Variants in FNBP1 observed in about 807,000 individuals in gnomAD.
The protein encoded by FNBP1 is formin binding protein 1, also known as formin-binding protein 1.
FNBP1 carries 26 observed loss-of-function variants against 90.6 expected under a neutral mutation model. The ratio of observed to expected loss-of-function variants is 0.29; its 90% CI spans 0.21 to 0.40. The LOEUF (loss-of-function observed/expected upper bound fraction) is 0.40. FNBP1 is among the 10% of genes least tolerant of loss of function. The pLI, the probability that FNBP1 is intolerant of heterozygous loss-of-function variation, is 1.00. For missense variants in FNBP1, 635 were observed against 768.0 expected (o/e 0.83, Z 2.05); for synonymous variants, 260 against 265.2 (o/e 0.98, Z 0.19).
intron 2 of FNBP1, among the ~76,000 whole-genome samples, chr9:129,993,419 A>G (rs2053515805): frequency 6.6e-6 from 1 of 151,458 alleles, no homozygotes; most frequent in African/African-American, 2.4e-5. Context: ...TATATTCTAT[A>G]AAAACACAAA....
intron 1 of FNBP1, among the ~76,000 whole-genome samples, chr9:130,036,260 A>G (rs892652342): frequency 6.6e-6 from 1 of 152,228 alleles, no homozygotes; most frequent in Non-Finnish European, 1.5e-5. Flanking sequence ...TGAAACAAGT[A>G]TGAGTAATAC....
At chr9:130,036,937 C>G (rs1002733582) in intron 1 of FNBP1, among the ~76,000 whole-genome samples, 2 of 151,052 alleles carry the variant, frequency 1.3e-5, no homozygotes, top group African/African-American at 4.9e-5. Flanking sequence ...CCCAGCTACT[C>G]GGGAGGCTGA....
intron 1 of FNBP1, among the ~76,000 whole-genome samples, chr9:130,028,770 T>G (rs112343055): frequency 5.8e-4 from 89 of 152,230 alleles, no homozygotes; most frequent in Non-Finnish European, 1.1e-3. Flanking sequence ...AATAAAGTGC[T>G]TGGAGGAATG....
intron 1 of FNBP1, among the ~76,000 whole-genome samples, chr9:130,022,130 A>G (rs1053829998): frequency 2.2e-4 from 33 of 152,018 alleles, no homozygotes; most frequent in African/African-American, 6.8e-4. Context: ...AAGTGCTAGG[A>G]TTACAGGCGT....
chr9:130,027,067 A>C (rs2058414056), intron 1 of FNBP1, among the ~76,000 whole-genome samples: 1 of 152,130 alleles, frequency 6.6e-6, no homozygotes, highest in Admixed American at 6.5e-5. Context: ...GAGGAAATGA[A>C]ATTTGGGGGG....
At chr9:130,018,146 C>T (rs756749584) in intron 1 of FNBP1, among the ~76,000 whole-genome samples, 40 of 151,382 alleles carry the variant, frequency 2.6e-4, no homozygotes, top group Non-Finnish European at 4.6e-4. Flanking sequence ...GATCTCCTGA[C>T]CTTGTGATCC....
At chr9:129,982,368 G>A (rs1250006164) in intron 2 of FNBP1, among the ~76,000 whole-genome samples, 15 of 152,168 alleles carry the variant, frequency 9.9e-5, no homozygotes, top group Non-Finnish European at 1.5e-5. Flanking sequence ...CTACTTGGGA[G>A]GCTGGGGCAG....
chr9:129,920,504 G>C (rs1371746262), intron 10 of FNBP1, among the ~76,000 whole-genome samples: 2 of 152,104 alleles, frequency 1.3e-5, no homozygotes, highest in African/African-American at 4.8e-5. Flanking sequence ...GTTTCACCAT[G>C]TTGGTCAGGC....
At chr9:129,931,752 T>C (rs2042779155) in intron 6 of FNBP1, among the ~76,000 whole-genome samples, 1 of 151,102 alleles carries the variant, frequency 6.6e-6, no homozygotes, top group Non-Finnish European at 1.5e-5. Flanking sequence ...AAGCTGTGAC[T>C]GCGCCACTGC....
intron 16 of FNBP1, among the ~76,000 whole-genome samples, chr9:129,894,820 G>A (rs1473225275): frequency 6.6e-6 from 1 of 152,230 alleles, no homozygotes; most frequent in Non-Finnish European, 1.5e-5. Flanking sequence ...AGCACTTTGG[G>A]AGGCAGAAGC....
At chr9:130,043,960 G>C (rs560674693), upstream of FNBP1, among the ~76,000 whole-genome samples, 127 of 152,364 alleles carry the variant, frequency 8.3e-4, no homozygotes, top group African/African-American at 3.0e-3. Context: ...GCAGAGCGCA[G>C]TCCACCAAAT....
chr9:130,007,942 G>A (rs1339654635), intron 1 of FNBP1, among the ~76,000 whole-genome samples: 1 of 144,360 alleles, frequency 6.9e-6, no homozygotes, highest in African/African-American at 2.6e-5. Flanking sequence ...AGGTTGCAGT[G>A]AGCCAAGATC....
intron 6 of FNBP1, among the ~76,000 whole-genome samples, chr9:129,945,815 C>T (rs1316479693): frequency 6.6e-6 from 1 of 152,098 alleles, no homozygotes; most frequent in African/African-American, 2.4e-5. Context: ...TGACAGATTC[C>T]TATCTATAAC....
intron 2 of FNBP1, among the ~76,000 whole-genome samples, chr9:129,988,257 C>G (rs1270785907): frequency 6.6e-6 from 1 of 151,188 alleles, no homozygotes; most frequent in Non-Finnish European, 1.5e-5. Flanking sequence ...GAAACTGTCT[C>G]AAAAATAAAT....
At chr9:130,035,572 A>G (rs191646972) in intron 1 of FNBP1, among the ~76,000 whole-genome samples, 1 of 152,368 alleles carries the variant, frequency 6.6e-6, no homozygotes, top group East Asian at 1.9e-4. Context: ...AAGATGATGG[A>G]TGTAAACACT....
intron 16 of FNBP1, among the ~76,000 whole-genome samples, chr9:129,894,989 G>A (rs1266441691): frequency 1.3e-5 from 2 of 152,038 alleles, no homozygotes; most frequent in Non-Finnish European, 2.9e-5. Context: ...ACCTGGGGGA[G>A]GCGGAGGTTG....
chr9:129,976,242 C>A (rs552854168), intron 4 of FNBP1, among the ~76,000 whole-genome samples: 1 of 152,042 alleles, frequency 6.6e-6, no homozygotes, highest in Admixed American at 6.6e-5. Flanking sequence ...GGGAGCTGTC[C>A]TGTATATTGT....
chr9:129,978,092 C>A (rs992496238), intron 4 of FNBP1, among the ~76,000 whole-genome samples: 1 of 151,924 alleles, frequency 6.6e-6, no homozygotes, highest in African/African-American at 2.4e-5. Context: ...AAAATCTCGG[C>A]TCACTGCAAC....
intron 4 of FNBP1, 24 bp downstream of exon 4, chr9:129,978,441 G>T: frequency 6.2e-7 from 1 of 1,601,336 alleles, no homozygotes; most frequent in Non-Finnish European, 8.5e-7. Flanking sequence ...CTTTTAGGAA[G>T]AAAAAGAATA....
Sources: gnomAD v4.1 joint callset for allele counts (sites outside exome capture counted in the v4.1 genomes callset) on GRCh38, gnomAD v4.1.1 for gene constraint, MANE v1.5 for transcripts, NCBI Gene and HGNC (gene_info 2026-07-23, HGNC 2026-07-21) for gene names.